CEP112: variants seen among roughly 807,000 people sequenced by gnomAD.
The protein encoded by CEP112 is centrosomal protein of 112 kDa.
Under a neutral mutation model 153.0 loss-of-function variants are expected in CEP112, and 127 were observed. The ratio of observed to expected loss-of-function variants is 0.83; its 90% CI spans 0.72 to 0.96. The LOEUF is 0.96. Ranked by LOEUF, CEP112 falls within the 40% of genes least tolerant of loss-of-function variation. CEP112 has a pLI of 0.00. For synonymous variants in CEP112, 358 were observed against 374.4 expected (o/e 0.96, Z 0.51); for missense variants, 1,089 against 1,101.2 (o/e 0.99, Z 0.16).
chr17:65,886,255 T>C (rs1335908273), intron 20 of CEP112, among the ~76,000 whole-genome samples: 2 of 152,168 alleles, frequency 1.3e-5, no homozygotes, highest in South Asian at 4.1e-4. Flanking sequence ...TATTTTTTAA[T>C]GGTAGTTCAA....
chr17:66,047,275 C>T (rs1480158614), intron 12 of CEP112, among the ~76,000 whole-genome samples: 2 of 152,062 alleles, frequency 1.3e-5, no homozygotes, highest in South Asian at 4.1e-4. Flanking sequence ...CGCCACCATG[C>T]CCGGCTAATT....
chr17:66,044,934 T>C (rs775576127), intron 12 of CEP112, among the ~76,000 whole-genome samples: 45 of 151,958 alleles, frequency 3.0e-4, no homozygotes, highest in Non-Finnish European at 6.2e-4. Context: ...AAAATGTTCC[T>C]ATAAATCAAG....
At chr17:65,827,724 T>TC (rs2056897506) in intron 21 of CEP112, among the ~76,000 whole-genome samples, 1 of 152,084 alleles carries the variant, frequency 6.6e-6, no homozygotes, top group African/African-American at 2.4e-5. Flanking sequence ...CTTTTCCAAC[T>TC]CCCCCATGTC....
At chr17:65,785,832 C>A (rs1289636027) in intron 21 of CEP112, among the ~76,000 whole-genome samples, 1 of 151,784 alleles carries the variant, frequency 6.6e-6, no homozygotes, top group Admixed American at 6.6e-5. Context: ...CTTTGAGGTC[C>A]TTTTATGTGT....
chr17:65,683,103 G>C (rs1461075725), intron 24 of CEP112, among the ~76,000 whole-genome samples: 1 of 152,020 alleles, frequency 6.6e-6, no homozygotes, highest in Non-Finnish European at 1.5e-5. Flanking sequence ...GCCTCTTCTG[G>C]TTTCTCTCCC....
chr17:65,957,818 A>G (rs1389804418), intron 18 of CEP112, among the ~76,000 whole-genome samples: 3 of 152,088 alleles, frequency 2.0e-5, no homozygotes, highest in Admixed American at 2.0e-4. Flanking sequence ...AATTTTATTA[A>G]TGCTCATATT....
Position 66,061,616 on chromosome 17 carries a change from A to C in CEP112, c.1074+1347T>G, listed in dbSNP as rs145156747. Among the ~76,000 whole-genome samples the C allele has an allele frequency of 1.5e-3, 234 of 152,046 alleles. 1 individual carries two copies. Among genetic ancestry groups the C allele is most frequent in the African/African-American group, 5.4e-3 (224 of 41,474 alleles). On this transcript the variant is annotated intron_variant, in intron 11 of 26. Coordinates refer to ENST00000535342, the MANE Select transcript of CEP112 (RefSeq NM_001199165.4). ...CACACTGGAATACTATTCATCCATA[A>C]CAAAGAATGAAATCCTGCCATTTGC...
chr17:65,950,592 A>G (rs1050144241), intron 18 of CEP112, among the ~76,000 whole-genome samples: 1 of 152,088 alleles, frequency 6.6e-6, no homozygotes, highest in Non-Finnish European at 1.5e-5. Context: ...TGTTTAAATC[A>G]TGTATTAGTT....
rs546428587 is a variant in CEP112 at position 65,816,408 on chromosome 17, C to A, written c.2394+35396G>T. Among the ~76,000 whole-genome samples, 659 of 151,950 alleles carry A rather than the reference C, an allele frequency of 4.3e-3. 3 individuals carry two copies. Among genetic ancestry groups the A allele is most frequent in the Non-Finnish European group, 7.7e-3 (522 of 67,854 alleles). ...CATCACCTGAGCAGTATACACTGCACCCAATTTGTAGTCTTTTATCCCCCA... is the reference window on the plus strand; with the variant it reads ...CATCACCTGAGCAGTATACACTGCAACCAATTTGTAGTCTTTTATCCCCCA... On this transcript the variant is annotated intron_variant, in intron 21 of 26. Transcript: ENST00000535342.
intron 21 of CEP112, among the ~76,000 whole-genome samples, chr17:65,782,644 G>C (rs1298456947): frequency 1.3e-5 from 2 of 152,150 alleles, no homozygotes; most frequent in Non-Finnish European, 2.9e-5. Flanking sequence ...ATATACCATG[G>C]AATACTATGC....
intron 24 of CEP112, among the ~76,000 whole-genome samples, chr17:65,649,969 A>T (rs1950337833): frequency 6.6e-6 from 1 of 152,152 alleles, no homozygotes; most frequent in Non-Finnish European, 1.5e-5. Flanking sequence ...AACTTTTAAG[A>T]TCAAAATTAA....
At chr17:65,641,515 C>T (rs1473081388) in intron 24 of CEP112, among the ~76,000 whole-genome samples, 3 of 152,144 alleles carry the variant, frequency 2.0e-5, no homozygotes, top group African/African-American at 7.2e-5. Flanking sequence ...GTAGTCCCAG[C>T]ACTTTGGGAG....
At chr17:65,920,059 T>C (rs1458820565) in intron 19 of CEP112, among the ~76,000 whole-genome samples, 1 of 151,872 alleles carries the variant, frequency 6.6e-6, no homozygotes, top group Non-Finnish European at 1.5e-5. Context: ...ACAAGATTTC[T>C]GTGAGTCAGG....
intron 20 of CEP112, among the ~76,000 whole-genome samples, chr17:65,896,993 T>A (rs1409929642): frequency 6.6e-6 from 1 of 152,070 alleles, no homozygotes; most frequent in African/African-American, 2.4e-5. Context: ...TACATTGCAG[T>A]AAAGCCCACT....
intron 8 of CEP112, among the ~76,000 whole-genome samples, chr17:66,077,338 AATAG>A (rs752935632): frequency 7.2e-5 from 11 of 152,186 alleles, no homozygotes; most frequent in South Asian, 2.1e-4. Context: ...TATTTAAGGA[AATAG>A]ATAGCATAAA....
intron 24 of CEP112, among the ~76,000 whole-genome samples, chr17:65,669,663 G>A (rs552397457): frequency 6.6e-6 from 1 of 152,280 alleles, no homozygotes; most frequent in South Asian, 2.1e-4. Context: ...CAGCACTTTG[G>A]GGGGCCAAGG....
intron 12 of CEP112, among the ~76,000 whole-genome samples, chr17:66,032,023 T>C (rs2065508706): frequency 6.6e-6 from 1 of 152,164 alleles, no homozygotes; most frequent in Admixed American, 6.5e-5. Flanking sequence ...AAATTCTTTT[T>C]CTTTTTCTTT....
intron 18 of CEP112, among the ~76,000 whole-genome samples, chr17:65,958,990 C>T (rs370934933): frequency 3.3e-5 from 5 of 152,148 alleles, no homozygotes; most frequent in African/African-American, 1.2e-4. Context: ...CTACCAACTC[C>T]AGGGCCTCCT....
In CEP112 at chr17:65,802,886, T is replaced by C. The variant is rs1033902948; in HGVS notation, c.2394+48918A>G. On this transcript the variant is annotated intron_variant, in intron 21 of 26. Transcript: ENST00000535342. The stretch of plus-strand genomic sequence containing the variant: ...TTCCCTATATAGTGTCGATGCTCCA[T>C]CAAGGGGTGGAGTCAAGGAGCTCTC... Among the ~76,000 whole-genome samples, 6 of 152,238 alleles carry C rather than the reference T, an allele frequency of 3.9e-5. No individual in the cohort carries two copies. In the South Asian group the frequency reaches 6.2e-4, roughly 16 times the overall value.
Sources: gnomAD v4.1 joint callset for allele counts (sites outside exome capture counted in the v4.1 genomes callset) on GRCh38, gnomAD v4.1.1 for gene constraint, MANE v1.5 for transcripts, NCBI Gene and HGNC (gene_info 2026-07-23, HGNC 2026-07-21) for gene names.